Variants in PPP4R2 observed in about 807,000 individuals in gnomAD.
The protein encoded by PPP4R2 is protein phosphatase 4 regulatory subunit 2.
Under a neutral mutation model 47.2 loss-of-function variants are expected in PPP4R2, and 13 were observed. That is an observed-to-expected ratio of 0.28 (90% CI 0.18 to 0.44). PPP4R2 has a LOEUF of 0.44. PPP4R2 is among the 20% of genes least tolerant of loss of function. PPP4R2 has a pLI of 1.00. For synonymous variants in PPP4R2, 151 were observed against 163.3 expected (o/e 0.92, Z 0.57); for missense variants, 421 against 491.2 (o/e 0.86, Z 1.35).
chr3:73,064,920 A>G lies in PPP4R2; in HGVS notation c.707A>G (p.Asp236Gly), dbSNP rs376215656. 25 of 1,613,764 alleles carry G rather than the reference A, an allele frequency of 1.5e-5. No individual in the cohort carries two copies. Among genetic ancestry groups the G allele is most frequent in the Non-Finnish European group, 1.9e-5 (23 of 1,179,802 alleles). Residue 236 changes from aspartate to glycine, a missense_variant, in exon 8 of 9, where the codon GAT becomes GGT. Around this residue, in one of 2 missense-constraint regions of PPP4R2, gnomAD observed 317 missense variants for 287.5 expected, o/e 1.10. Transcript: ENST00000356692. ...TTGAAAAATAAACATCCAGATGAAG[A>G]TGCTGTGGAAGCTGAGGGGCATGAG... ...SPLKNKHPDEDAVEAEGHEVK... is the reference protein window; with the variant it reads ...SPLKNKHPDEGAVEAEGHEVK...
At chr3:73,057,845 A>G (rs1702757133) in intron 3 of PPP4R2, among the ~76,000 whole-genome samples, 1 of 152,142 alleles carries the variant, frequency 6.6e-6, no homozygotes, top group African/African-American at 2.4e-5. Flanking sequence ...CTCACTAACT[A>G]CTATACCTTG....
intron 3 of PPP4R2, among the ~76,000 whole-genome samples, chr3:73,053,186 ATTAG>A (rs1027107884): frequency 6.6e-6 from 1 of 152,180 alleles, no homozygotes; most frequent in African/African-American, 2.4e-5. Context: ...TGTTGAGTAT[ATTAG>A]TTAAAATGTA....
intron 2 of PPP4R2, among the ~76,000 whole-genome samples, chr3:73,004,857 GTGTGTGTGTGTGTT>G (rs1373382872): frequency 7.2e-6 from 1 of 138,934 alleles, no homozygotes; most frequent in Non-Finnish European, 1.5e-5. Context: ...GTGTGTGTGT[GTGTGTGTGTGTGTT>G]TGTTTGTTTG....
chr3:73,049,241 G>A (rs1020479460), intron 3 of PPP4R2, among the ~76,000 whole-genome samples: 1 of 151,878 alleles, frequency 6.6e-6, no homozygotes, highest in African/African-American at 2.4e-5. Flanking sequence ...GCTCACGCCT[G>A]TAATCCCAGC....
intron 7 of PPP4R2, 136 bp downstream of exon 7, chr3:73,064,282 T>C (rs1192589993): frequency 2.8e-6 from 2 of 710,282 alleles, no homozygotes; most frequent in African/African-American, 1.8e-5. Context: ...GAGCACTGGC[T>C]TCTCTTTGCA....
At chr3:73,052,603 A>G (rs1254909993) in intron 3 of PPP4R2, among the ~76,000 whole-genome samples, 2 of 152,154 alleles carry the variant, frequency 1.3e-5, no homozygotes, top group African/African-American at 4.8e-5. Flanking sequence ...GATAGAGAGC[A>G]TGTAAGTTAC....
intron 2 of PPP4R2, among the ~76,000 whole-genome samples, chr3:73,020,942 A>C (rs1302928173): frequency 6.6e-6 from 1 of 152,096 alleles, no homozygotes; most frequent in East Asian, 1.9e-4. Context: ...TTGGGCTCCA[A>C]GTACTATCAT....
At chr3:73,031,295 T>A (rs1489100947) in intron 2 of PPP4R2, among the ~76,000 whole-genome samples, 1 of 152,166 alleles carries the variant, frequency 6.6e-6, no homozygotes, top group Non-Finnish European at 1.5e-5. Context: ...ATCCCGGCAC[T>A]TTGGGAGGCC....
chr3:73,011,212 G>A (rs1205633156), intron 2 of PPP4R2, among the ~76,000 whole-genome samples: 2 of 152,198 alleles, frequency 1.3e-5, no homozygotes, highest in African/African-American at 4.8e-5. Flanking sequence ...AGGTGCGGTG[G>A]CTCACGCCTG....
At chr3:73,001,051 G>A (rs1701447619) in intron 2 of PPP4R2, among the ~76,000 whole-genome samples, 1 of 152,046 alleles carries the variant, frequency 6.6e-6, no homozygotes, top group African/African-American at 2.4e-5. Context: ...TCTGGTATAA[G>A]AATATGTTCC....
chr3:73,063,638 T>C, intron 5 of PPP4R2, 35 bp from the exon 6 acceptor site: 1 of 1,313,308 alleles, frequency 7.6e-7, no homozygotes, highest in South Asian at 1.2e-5. Context: ...AAAAAAAAAT[T>C]AAGTCATCCA....
chr3:73,053,936 CATTTG>C (rs1702674894), intron 3 of PPP4R2, among the ~76,000 whole-genome samples: 1 of 147,768 alleles, frequency 6.8e-6, no homozygotes, highest in Non-Finnish European at 1.5e-5. Context: ...CGAAATCTGT[CATTTG>C]ATTTGAGACA....
At chr3:73,061,735 A>G (rs1702862456) in intron 5 of PPP4R2, 2 of 223,362 alleles carry the variant, frequency 9.0e-6, no homozygotes, top group Admixed American at 5.4e-5. Context: ...TTCATAGACT[A>G]CTCTGTTACC....
chr3:73,045,777 G>T (rs1166295604), intron 2 of PPP4R2, among the ~76,000 whole-genome samples: 1 of 152,048 alleles, frequency 6.6e-6, no homozygotes, highest in Non-Finnish European at 1.5e-5. Flanking sequence ...TCCGCCTGCT[G>T]GGTTTACAGG....
intron 3 of PPP4R2, among the ~76,000 whole-genome samples, chr3:73,051,219 T>G (rs1159948924): frequency 6.6e-6 from 1 of 152,154 alleles, no homozygotes; most frequent in Non-Finnish European, 1.5e-5. Context: ...CTGGCCAGAT[T>G]GTTACTTTTT....
intron 2 of PPP4R2, among the ~76,000 whole-genome samples, chr3:73,043,847 C>A (rs533721050): frequency 6.6e-6 from 1 of 152,316 alleles, no homozygotes; most frequent in East Asian, 1.9e-4. Context: ...CCATCACTAT[C>A]ATCCATCTGC....
intron 5 of PPP4R2, chr3:73,061,937 T>C (rs1575890430): frequency 3.3e-6 from 2 of 613,704 alleles, no homozygotes; most frequent in East Asian, 5.9e-5. Flanking sequence ...AATCCCATAC[T>C]ATATTTCTTG....
At chr3:73,023,230 C>T (rs1434669112) in intron 2 of PPP4R2, among the ~76,000 whole-genome samples, 4 of 151,512 alleles carry the variant, frequency 2.6e-5, no homozygotes, top group Non-Finnish European at 5.9e-5. Context: ...GTTGCCCTGA[C>T]TGGAGTGCAA....
chr3:72,996,886 T>A lies in PPP4R2; in HGVS notation c.-152T>A, dbSNP rs369420656. ...TGTCGGTCTTGCTCTCTCGCACGCT[T>A]CCCCCGGCTCCCTTCGTTTCCCCCC... On this transcript the variant is annotated 5_prime_UTR_variant, in exon 1 of 9. Coordinates refer to ENST00000356692, the MANE Select transcript of PPP4R2 (RefSeq NM_174907.4). 2.2e-6 allele frequency: 1 copy of A among 449,014 alleles called. No homozygotes were observed. Among genetic ancestry groups the A allele is most frequent in the Admixed American group, 4.4e-5 (1 of 22,670 alleles). 27.8% of individuals were successfully genotyped at this position (449,014 alleles called of 1,614,324 possible).
Sources: gnomAD v4.1 joint callset for allele counts (sites outside exome capture counted in the v4.1 genomes callset) on GRCh38, gnomAD v4.1.1 for gene constraint, gnomAD v4.1.1 regional missense constraint, MANE v1.5 for transcripts, NCBI Gene and HGNC (gene_info 2026-07-23, HGNC 2026-07-21) for gene names.